Variants in SOD2 observed in about 807,000 individuals in gnomAD.
SOD2 encodes the protein superoxide dismutase [Mn], mitochondrial.
A neutral mutation model predicts 27.0 loss-of-function variants in SOD2; 11 were observed. The ratio of observed to expected loss-of-function variants is 0.41; its 90% CI spans 0.26 to 0.67. The LOEUF (loss-of-function observed/expected upper bound fraction) is 0.67. SOD2 is among the 30% of genes least tolerant of loss of function. The probability of loss-of-function intolerance (pLI) is 0.34; values close to 1 mark genes in which losing one functional copy is unlikely to be tolerated. For synonymous variants in SOD2, 105 were observed against 103.0 expected (o/e 1.02, Z -0.12); for missense variants, 250 against 274.5 (o/e 0.91, Z 0.63).
At position 159,735,072 on chromosome 6, in the gene SOD2, A is replaced by G. The variant is rs1778822707; in HGVS notation, c.-116+10058T>C. ...TAAAGAAGCTAATTTTGAGATACAA[A>G]ATATTTGGCATAAAATTAAATACTG... is the stretch of plus-strand genomic sequence containing the variant. On this transcript the variant is annotated intron_variant, in intron 1 of 3. Transcript: ENST00000537657. 2.0e-5 allele frequency among the ~76,000 whole-genome samples: 3 copies of G among 152,206 alleles called. No individual in the cohort carries two copies. The South Asian group carries it at 6.2e-4, about 32-fold the overall frequency.
upstream of SOD2, among the ~76,000 whole-genome samples, chr6:159,694,109 A>G (rs1260388736): frequency 2.0e-5 from 3 of 152,238 alleles, no homozygotes; most frequent in East Asian, 3.8e-4. Flanking sequence ...AAGCCCTGGC[A>G]GTCATGTTTT....
At chr6:159,684,594 G>T (rs887251506) in intron 4 of SOD2, among the ~76,000 whole-genome samples, 6 of 152,110 alleles carry the variant, frequency 3.9e-5, no homozygotes, top group African/African-American at 1.4e-4. Context: ...TCCAGCCTGG[G>T]CAACAGTGAG....
At chr6:159,761,368 T>G in exon 1 of SOD2, 1 of 349,876 alleles carries the variant, frequency 2.9e-6, no homozygotes. Flanking sequence ...CCTTTCACTG[T>G]CCAAACGTCA....
At chr6:159,694,436 A>G (rs781777613), upstream of SOD2, among the ~76,000 whole-genome samples, 1 of 152,144 alleles carries the variant, frequency 6.6e-6, no homozygotes, top group Non-Finnish European at 1.5e-5. Flanking sequence ...GTGGAATGGG[A>G]AAACAGTCAG....
intron 1 of SOD2, chr6:159,743,629 T>G (rs1326733046): frequency 1.2e-5 from 18 of 1,559,130 alleles, no homozygotes; most frequent in Non-Finnish European, 1.6e-5. Context: ...AACTTGATCT[T>G]AAAATTGTAT....
intron 1 of SOD2, chr6:159,760,528 C>T (rs2114969517): frequency 6.6e-6 from 1 of 152,346 alleles, no homozygotes; most frequent in East Asian, 1.9e-4. Context: ...TCCTCGGCCT[C>T]CCAAAGTGCT....
At chr6:159,708,756 T>C (rs1016883719) in intron 1 of SOD2, among the ~76,000 whole-genome samples, 85 of 152,114 alleles carry the variant, frequency 5.6e-4, no homozygotes, top group African/African-American at 1.8e-3. Context: ...CTTCACAGAA[T>C]TGGAAAAAAC....
intron 1 of SOD2, chr6:159,753,587 A>G: frequency 6.2e-7 from 1 of 1,613,690 alleles, no homozygotes; most frequent in Non-Finnish European, 8.5e-7. Flanking sequence ...GAAGAAATAC[A>G]GTGAGGAGCT....
exon 1 of SOD2, chr6:159,727,276 C>T (rs1232247571): frequency 1.2e-5 from 16 of 1,283,086 alleles, no homozygotes; most frequent in African/African-American, 1.5e-5. Context: ...CTTTCCTCTC[C>T]TGGCGGGGTT....
At chr6:159,743,660 A>G (rs564462327) in intron 1 of SOD2, 1 of 1,584,524 alleles carries the variant, frequency 6.3e-7, no homozygotes, top group Non-Finnish European at 8.5e-7. Flanking sequence ...TTTTTGAATC[A>G]TCAGCTAATG....
At position 159,756,594 on chromosome 6, in the gene SOD2, C is replaced by CTTTTTTTTTTTT. The variant is rs3066261; in HGVS notation, c.-336+4431_-336+4442dup. ...AGAAAATAGTCATCTATTTCTTAGG[C>CTTTTTTTTTTTT]TTTTTTTTTTTTTTTTTTTTTAATT... On this transcript the variant is annotated intron_variant, in intron 1 of 7. Transcript: ENST00000546087. Among the ~76,000 whole-genome samples the CTTTTTTTTTTTT allele has an allele frequency of 2.0e-4, 19 of 94,382 alleles. 1 individual carries two copies. Among genetic ancestry groups the CTTTTTTTTTTTT allele is most frequent in the Non-Finnish European group, 3.0e-4 (15 of 49,210 alleles). The allele number at this position is 94,382 out of a possible 152,430, so 61.9% of individuals were successfully genotyped here. A position where few individuals can be genotyped will look rare whatever the true frequency, so the allele number is the denominator to read the frequency against.
At chr6:159,703,396 G>A (rs1777562609) in intron 1 of SOD2, among the ~76,000 whole-genome samples, 1 of 112,152 alleles carries the variant, frequency 8.9e-6, no homozygotes, top group African/African-American at 3.2e-5. Context: ...GGAAGTTGAG[G>A]CTTTACCTCT....
rs751612764 is a variant in SOD2, at chr6:159,755,173, C to G, written c.-336+5864G>C. The G allele has an allele frequency of 4.3e-6, 7 of 1,613,996 alleles. No individual in the cohort carries two copies. In the East Asian group the frequency reaches 1.6e-4, roughly 36 times the overall value. ...AGTCTCAGGCCTCTGCCCCAAGTAC[C>G]AGCAGGACTACAGCTTCTGAACCTG... On this transcript the variant is annotated intron_variant, in intron 1 of 7. Transcript: ENST00000546087.
rs919566307 is a variant in SOD2 at position 159,692,378 on chromosome 6, G to A, written c.226+283C>T. On this transcript the variant is annotated intron_variant, in intron 2 of 4. Coordinates refer to ENST00000538183, the MANE Select transcript of SOD2 (RefSeq NM_000636.4). ...CAGGCCCTACAATTCACCAGTGCTG[G>A]CAATATGTGTAACGGAATGTGGCTC... is the stretch of plus-strand genomic sequence containing the variant. The A allele has an allele frequency of 8.3e-6, 11 of 1,321,170 alleles. No homozygotes were observed. The African/African-American group carries it at 1.2e-4, about 15-fold the overall frequency. The allele number at this position is 1,321,170 out of a possible 1,614,324, so 81.8% of individuals were successfully genotyped here. A position where few individuals can be genotyped will look rare whatever the true frequency, so the allele number is the denominator to read the frequency against.
chr6:159,711,968 TC>T lies in SOD2; in HGVS notation c.-116+15160del, dbSNP rs1322444961. ...CATTGCTCTGATCACCATAACCACC[TC>T]CATAACCACCACTCACACTGCTCAG... On this transcript the variant is annotated intron_variant, in intron 1 of 2. Coordinates refer to the SOD2 transcript ENST00000401980. Among the ~76,000 whole-genome samples the T allele has an allele frequency of 1.4e-3, 153 of 105,804 alleles. 9 individuals are homozygous for T. The highest frequency in any genetic ancestry group is 5.4e-3 in the African/African-American group (138 of 25,446). The allele number at this position is 105,804 out of a possible 152,430, so 69.4% of individuals were successfully genotyped here. A position where few individuals can be genotyped will look rare whatever the true frequency, so the allele number is the denominator to read the frequency against.
chr6:159,712,359 AGCTG>A (rs1777822651), intron 1 of SOD2, among the ~76,000 whole-genome samples: 2 of 124,970 alleles, frequency 1.6e-5, no homozygotes, highest in Non-Finnish European at 3.4e-5. Context: ...ACCACCACTC[AGCTG>A]CTCTGACCTC....
chr6:159,712,892 A>C (rs879928931), intron 1 of SOD2: 5 of 634,180 alleles, frequency 7.9e-6, no homozygotes, highest in East Asian at 3.0e-5. Flanking sequence ...GTGTTCATAA[A>C]CCCCCCTACT....
At chr6:159,738,145 T>G (rs970196348) in intron 1 of SOD2, among the ~76,000 whole-genome samples, 1 of 152,228 alleles carries the variant, frequency 6.6e-6, no homozygotes, top group African/African-American at 2.4e-5. Context: ...ACTATTATCA[T>G]GTCTAGCTTT....
chr6:159,759,339 A>G (rs534926831), intron 1 of SOD2, among the ~76,000 whole-genome samples: 848 of 144,922 alleles, frequency 5.9e-3, no homozygotes, highest in Admixed American at 0.011. Flanking sequence ...GATTACAGGC[A>G]TGAGCCACCG....
Sources: gnomAD v4.1 joint callset for allele counts (sites outside exome capture counted in the v4.1 genomes callset) on GRCh38, gnomAD v4.1.1 for gene constraint, MANE v1.5 for transcripts, NCBI Gene and HGNC (gene_info 2026-07-23, HGNC 2026-07-21) for gene names.